The following CXorf65 variants were observed in gnomAD, a reference collection of about 807,000 sequenced individuals.
CXorf65 encodes chromosome X open reading frame 65, also known as uncharacterized protein CXorf65.
For missense variants in CXorf65, 137 were observed against 144.7 expected (o/e 0.95, Z 0.27); for synonymous variants, 54 against 51.4 (o/e 1.05, Z -0.21).
At chrX:71,105,946 T>C (rs1227496123) in intron 3 of CXorf65, 54 bp downstream of exon 3, 26 of 1,149,381 alleles carry the variant, frequency 2.3e-5, no homozygotes, top group Non-Finnish European at 3.1e-5. Flanking sequence ...ATAAGGTTCA[T>C]AATCTATCTT....
intron 3 of CXorf65, 130 bp from the exon 4 acceptor site, chrX:71,104,967 A>G: frequency 1.8e-6 from 1 of 564,363 alleles, no homozygotes; most frequent in South Asian, 3.0e-5. Flanking sequence ...TAATCCCAGC[A>G]TTTTGGGAGG....
intron 4 of CXorf65, 131 bp downstream of exon 4, chrX:71,104,638 G>T (rs2092241948): frequency 1.5e-6 from 1 of 660,573 alleles, no homozygotes; most frequent in African/African-American, 2.2e-5. Context: ...AGTGGACCTG[G>T]ACCCTGCCCG....
rs1602286662 is a variant in CXorf65, at chrX:71,105,893, A to G, written c.250+107T>C. Reference sequence around the variant, plus strand: ...GGCCTCTCAAAGTGCTGAGATTACAAGCATGAGCCACTATGCCCAGCCTTG... The same window carrying G: ...GGCCTCTCAAAGTGCTGAGATTACAGGCATGAGCCACTATGCCCAGCCTTG... On this transcript the variant is annotated intron_variant, in intron 3 of 5. Coordinates refer to ENST00000374251, the MANE Select transcript of CXorf65 (RefSeq NM_001025265.3). The G allele has an allele frequency of 4.5e-6, 4 of 881,293 alleles. No homozygotes were observed. In the East Asian group the frequency reaches 1.3e-4, roughly 28 times the overall value. 72.6% of individuals were successfully genotyped at this position (881,293 alleles called of 1,213,427 possible). A position where few individuals can be genotyped will look rare whatever the true frequency, so the allele number is the denominator to read the frequency against.
chrX:71,104,877 C>T, intron 3 of CXorf65, 40 bp from the exon 4 acceptor site: 1 of 1,125,423 alleles, frequency 8.9e-7, no homozygotes, highest in Non-Finnish European at 1.2e-6. Context: ...CCCCTGTCAT[C>T]CAGTCTCCAC....
Position 71,104,063 on chromosome X carries a change from G to A in CXorf65, c.476C>T (p.Pro159Leu), listed in dbSNP as rs757926405. The A allele has an allele frequency of 1.7e-5, 21 of 1,206,746 alleles. No homozygotes were observed. Among genetic ancestry groups the A allele is most frequent in the East Asian group, 5.9e-5 (2 of 33,709 alleles). Reference sequence around the variant, plus strand: ...GAAGTCTGGTCTGTTCCTAAAGGTCGGAGACTTGCGAGTGGACTTCTTTTT... The same window carrying A: ...GAAGTCTGGTCTGTTCCTAAAGGTCAGAGACTTGCGAGTGGACTTCTTTTT... Reference protein sequence around the residue: ...SDKKKSTRKSPTFRNRPDFRK... With the variant: ...SDKKKSTRKSLTFRNRPDFRK... Residue 159 changes from proline to leucine, a missense_variant, in exon 6 of 6, where the codon CCG becomes CTG. By Grantham distance (98) the Pro-to-Leu change is moderately conservative. Coordinates refer to ENST00000374251, the MANE Select transcript of CXorf65 (RefSeq NM_001025265.3).
At chrX:71,104,871 T>C (rs1348694539) in intron 3 of CXorf65, 34 bp from the exon 4 acceptor site, 7 of 1,148,032 alleles carry the variant, frequency 6.1e-6, no homozygotes, top group Non-Finnish European at 7.1e-6. Context: ...CTCCAGCCCC[T>C]GTCATCCAGT....
intron 2 of CXorf65, 94 bp downstream of exon 2, chrX:71,106,246 G>A: frequency 9.1e-7 from 1 of 1,097,389 alleles, no homozygotes; most frequent in Non-Finnish European, 1.3e-6. Context: ...AGGATATGAG[G>A]AACTCCCTTC....
chrX:71,105,861 C>T (rs1044147669), intron 3 of CXorf65, 139 bp downstream of exon 3: 1 of 634,597 alleles, frequency 1.6e-6, no homozygotes, highest in East Asian at 3.5e-5. Context: ...ATCGATTCTC[C>T]CGCCTTGGCC....
chrX:71,104,989 G>A (rs764148603), intron 3 of CXorf65, 152 bp from the exon 4 acceptor site: 84 of 468,517 alleles, frequency 1.8e-4, no homozygotes, highest in Admixed American at 3.1e-4. Context: ...CAAGGTGGGC[G>A]GATCACTTGA....
In CXorf65 at chrX:71,106,391, C is replaced by T; in HGVS notation, c.61G>A (p.Val21Ile). Residue 21 changes from valine to isoleucine, a missense_variant, in exon 2 of 6, where the codon GTC (valine) becomes ATC (isoleucine). Coordinates refer to ENST00000374251, the MANE Select transcript of CXorf65 (RefSeq NM_001025265.3). ...QQFLVNTNCA[V>I]VVLLYYIRSK... ...CGGATGTAATACAGCAACACGACGA[C>T]AGCACAGTTGGTATTGACCAGAAAC... The T allele has an allele frequency of 1.7e-6, 2 of 1,210,744 alleles. No individual in the cohort carries two copies. The highest frequency in any genetic ancestry group is 3.5e-5 in the South Asian group (2 of 56,970).
At position 71,106,578 on chromosome X, in the gene CXorf65, T is replaced by G; in HGVS notation, c.-22A>C. On this transcript the variant is annotated 5_prime_UTR_variant, in exon 1 of 6. Coordinates refer to ENST00000374251, the MANE Select transcript of CXorf65 (RefSeq NM_001025265.3). ...ACATGCCCTCAAGATCGCCTCACTC[T>G]TCACAAAGTGCCCTGATGAGTCATG... 1 of 1,210,876 alleles carries G rather than the reference T, an allele frequency of 8.3e-7. No homozygotes were observed. Among genetic ancestry groups the G allele is most frequent in the South Asian group, 1.8e-5 (1 of 56,948 alleles).
chrX:71,104,152 G>A (rs1407820370), intron 5 of CXorf65, 40 bp from the exon 6 acceptor site: 1 of 1,197,107 alleles, frequency 8.4e-7, no homozygotes, highest in Non-Finnish European at 1.1e-6. Flanking sequence ...GCCCCTGCAG[G>A]GAAGGTTTCT....
chrX:71,106,638 CAA>C lies in CXorf65; in HGVS notation c.-84_-83del. ...GGTGTTCTAGAGGCCTTGTGTGGGGCAAATAGGCCTATAGGGTTGGTGGACTA... is the reference window on the plus strand; with the variant it reads ...GGTGTTCTAGAGGCCTTGTGTGGGGCATAGGCCTATAGGGTTGGTGGACTA... On this transcript the variant is annotated 5_prime_UTR_variant, in exon 1 of 6. It adds an upstream start codon to the 5' untranslated region. Coordinates refer to ENST00000374251, the MANE Select transcript of CXorf65 (RefSeq NM_001025265.3). 28 of 1,205,556 alleles carry C rather than the reference CAA, an allele frequency of 2.3e-5. No homozygotes were observed. Among genetic ancestry groups the C allele is most frequent in the Non-Finnish European group, 3.1e-5 (28 of 893,009 alleles).
intron 5 of CXorf65, 85 bp from the exon 6 acceptor site, chrX:71,104,197 G>T: frequency 8.8e-7 from 1 of 1,135,934 alleles, no homozygotes; most frequent in South Asian, 1.9e-5. Context: ...AAAAGAAATT[G>T]GAGGCAGGAA....
At chrX:71,105,615 C>G (rs2092245944) in intron 3 of CXorf65, among the ~76,000 whole-genome samples, 1 of 109,541 alleles carries the variant, frequency 9.1e-6, no homozygotes, top group Non-Finnish European at 1.9e-5. Context: ...ATATTTCTTC[C>G]CCTTAGGTAT....
Position 71,104,755 on chromosome X carries a change from A to G in CXorf65, c.319+14T>C, listed in dbSNP as rs1269819662. ...TACCCTTCATGTTCTTCCCTCCCCC[A>G]TCTCACTTCTTACCAAGCAGCCAAG... On this transcript the variant is annotated intron_variant, in intron 4 of 5. Coordinates refer to ENST00000374251, the MANE Select transcript of CXorf65 (RefSeq NM_001025265.3). 1.7e-6 allele frequency: 2 copies of G among 1,193,841 alleles called. No individual in the cohort carries two copies. Among genetic ancestry groups the G allele is most frequent in the African/African-American group, 1.8e-5 (1 of 56,203 alleles).
At chrX:71,106,311 G>T (rs374989943) in intron 2 of CXorf65, 29 bp downstream of exon 2, 8 of 1,156,511 alleles carry the variant, frequency 6.9e-6, no homozygotes, top group Non-Finnish European at 9.4e-6. Flanking sequence ...CTGACCTTTG[G>T]CCATTAGTCC....
Position 71,106,326 on chromosome X carries a change from C to T in CXorf65, c.112+14G>A. 1 of 1,191,033 alleles carries T rather than the reference C, an allele frequency of 8.4e-7. No homozygotes were observed. The highest frequency in any genetic ancestry group is 1.1e-6 in the Non-Finnish European group (1 of 876,698). ...CTGACCTTTGGCCATTAGTCCCCTCCCTAAGCTCCTCACTTGTTTTAGGCA... is the reference window on the plus strand; with the variant it reads ...CTGACCTTTGGCCATTAGTCCCCTCTCTAAGCTCCTCACTTGTTTTAGGCA... On this transcript the variant is annotated intron_variant, in intron 2 of 5. Transcript: ENST00000374251.
intron 3 of CXorf65, among the ~76,000 whole-genome samples, chrX:71,105,509 A>C (rs2092245262): frequency 9.5e-6 from 1 of 105,353 alleles, no homozygotes; most frequent in South Asian, 4.5e-4. Context: ...CAGTGAGCTG[A>C]GATCGCGCCA....
Sources: gnomAD v4.1 joint callset for allele counts (sites outside exome capture counted in the v4.1 genomes callset) on GRCh38, gnomAD v4.1.1 for gene constraint, MANE v1.5 for transcripts, NCBI Gene and HGNC (gene_info 2026-07-23, HGNC 2026-07-21) for gene names.